The following RBM6 variants were observed in gnomAD, a reference collection of about 807,000 sequenced individuals.
The protein encoded by RBM6 is RNA binding motif protein 6.
RBM6 carries 23 observed loss-of-function variants against 140.4 expected under a neutral mutation model. The observed-to-expected ratio is 0.16, with a 90% CI of 0.12 to 0.23. RBM6 has a LOEUF of 0.23. Among genes scored for constraint, RBM6 ranks in the 10% least tolerant of loss-of-function variants. RBM6 has a pLI of 1.00. For missense variants in RBM6, 1,139 were observed against 1,386.7 expected, an observed-to-expected ratio of 0.82 and a Z score of 2.84; for synonymous variants, 439 against 475.6, an observed-to-expected ratio of 0.92 and a Z score of 1.00.
At position 49,967,274 on chromosome 3, in the gene RBM6, C is replaced by CATATATAT; in HGVS notation, c.45-193_45-192insTATATATA. The CATATATAT allele has an allele frequency of 7.3e-7, 1 of 1,369,554 alleles. No individual in the cohort carries two copies. The highest frequency in any genetic ancestry group is 9.4e-7 in the Non-Finnish European group (1 of 1,063,916). 84.8% of individuals were successfully genotyped at this position (1,369,554 alleles called of 1,614,324 possible). A position where few individuals can be genotyped will look rare whatever the true frequency, so the allele number is the denominator to read the frequency against. On this transcript the variant is annotated intron_variant, in intron 2 of 20. Transcript: ENST00000266022. The surrounding 1 kb of genome is among the most constrained non-coding windows in gnomAD (Gnocchi z 4.0). ...CTTTCCTCGTGTTCTGAAATGGGAG[C>CATATATAT]ATAAAAGTTTACTCCGCCACTTCGT...
intron 18 of RBM6, 25 bp from the exon 19 acceptor site, chr3:50,070,430 G>C (rs757405194): frequency 6.4e-7 from 1 of 1,558,094 alleles, no homozygotes. Flanking sequence ...GGCAATCTCA[G>C]GTCTGCTCTT....
chr3:50,030,443 G>GT (rs1333332802), intron 6 of RBM6, among the ~76,000 whole-genome samples: 8 of 152,108 alleles, frequency 5.3e-5, no homozygotes, highest in African/African-American at 1.9e-4. Flanking sequence ...AGCTCCACAG[G>GT]TTTTTTCATT....
chr3:50,063,080 A>G (rs1377078530), intron 15 of RBM6, among the ~76,000 whole-genome samples: 2 of 151,720 alleles, frequency 1.3e-5, no homozygotes, highest in African/African-American at 4.8e-5. Flanking sequence ...TTTTGTAGAG[A>G]CAGGATCTTG....
intron 19 of RBM6, among the ~76,000 whole-genome samples, chr3:50,073,658 C>A (rs982699468): frequency 2.0e-5 from 3 of 152,186 alleles, no homozygotes; most frequent in African/African-American, 7.2e-5. Flanking sequence ...GTTCTTCAGT[C>A]CATTCTCTAC....
At chr3:49,980,405 T>C (rs1047486771) in intron 5 of RBM6, among the ~76,000 whole-genome samples, 1 of 152,152 alleles carries the variant, frequency 6.6e-6, no homozygotes, top group Non-Finnish European at 1.5e-5. Flanking sequence ...TAATACTTGC[T>C]ATAAATGGAG....
intron 6 of RBM6, among the ~76,000 whole-genome samples, chr3:50,028,061 C>G (rs1382458413): frequency 9.4e-6 from 1 of 106,264 alleles, no homozygotes; most frequent in Non-Finnish European, 1.9e-5. Context: ...GGGTTTTGTA[C>G]TTGTTTTTTT....
intron 6 of RBM6, among the ~76,000 whole-genome samples, chr3:50,000,182 A>G (rs991207976): frequency 6.6e-6 from 1 of 152,154 alleles, no homozygotes; most frequent in African/African-American, 2.4e-5. Context: ...TATGTCTTTA[A>G]TAGAACCCTA....
chr3:49,947,697 T>C (rs549225668), intron 1 of RBM6, among the ~76,000 whole-genome samples: 2 of 152,334 alleles, frequency 1.3e-5, no homozygotes, highest in East Asian at 1.9e-4. Context: ...TTTTATAGTT[T>C]TAGCGCTTAC....
chr3:50,007,372 A>G (rs2086631438), intron 6 of RBM6, among the ~76,000 whole-genome samples: 1 of 150,644 alleles, frequency 6.6e-6, no homozygotes, highest in Non-Finnish European at 1.5e-5. Context: ...ATTTTTGTAG[A>G]GACGGGGTTT....
At position 49,986,435 on chromosome 3, in the gene RBM6, A is replaced by G. The variant is rs186550290; in HGVS notation, c.1483+11043A>G. 2.0e-5 allele frequency among the ~76,000 whole-genome samples: 3 copies of G among 151,796 alleles called. No individual in the cohort carries two copies. The East Asian group carries it at 6.0e-4, about 31-fold the overall frequency. On this transcript the variant is annotated intron_variant, in intron 5 of 20. Coordinates refer to ENST00000266022, the MANE Select transcript of RBM6 (RefSeq NM_005777.3). ...TGGTGAAACCCCATCTGTACTAAAA[A>G]ATACAAAAAATTAGCCGGGCATGGT... is the stretch of plus-strand genomic sequence containing the variant.
chr3:50,055,092 G>A (rs1404350449), intron 8 of RBM6, among the ~76,000 whole-genome samples: 1 of 152,196 alleles, frequency 6.6e-6, no homozygotes, highest in Non-Finnish European at 1.5e-5. Context: ...AAAGTGCTGC[G>A]ATTACAGGCG....
intron 6 of RBM6, among the ~76,000 whole-genome samples, chr3:50,033,025 C>G (rs1035713067): frequency 6.6e-6 from 1 of 151,226 alleles, no homozygotes; most frequent in Non-Finnish European, 1.5e-5. Flanking sequence ...GACAGGGAAG[C>G]CAAGCTCATG....
chr3:50,052,564 A>G (rs2089513642), intron 7 of RBM6, among the ~76,000 whole-genome samples: 1 of 152,208 alleles, frequency 6.6e-6, no homozygotes, highest in South Asian at 2.1e-4. Context: ...GTTTATTCCT[A>G]GATTCTCAGT....
intron 5 of RBM6, among the ~76,000 whole-genome samples, chr3:49,980,892 ATTTAT>A (rs1186012203): frequency 2.0e-5 from 3 of 151,068 alleles, no homozygotes; most frequent in Non-Finnish European, 4.4e-5. Context: ...GACAAAACTG[ATTTAT>A]TTTATTTTAT....
At chr3:49,944,378 T>C (rs1253904663) in intron 1 of RBM6, among the ~76,000 whole-genome samples, 1 of 152,186 alleles carries the variant, frequency 6.6e-6, no homozygotes, top group East Asian at 1.9e-4. Flanking sequence ...ATACCACATT[T>C]TGTTTATCCA....
chr3:50,062,850 C>G (rs1202574594), intron 15 of RBM6, among the ~76,000 whole-genome samples: 1 of 151,150 alleles, frequency 6.6e-6, no homozygotes, highest in Non-Finnish European at 1.5e-5. Context: ...TTCTTCATCT[C>G]TCCTACATTA....
chr3:50,003,191 C>T (rs1052878385), intron 6 of RBM6, among the ~76,000 whole-genome samples: 3 of 151,132 alleles, frequency 2.0e-5, no homozygotes, highest in Non-Finnish European at 2.9e-5. Flanking sequence ...GTTTGTAGGC[C>T]GGGCACTATG....
At chr3:50,032,345 G>A (rs1469956833) in intron 6 of RBM6, among the ~76,000 whole-genome samples, 2 of 152,124 alleles carry the variant, frequency 1.3e-5, no homozygotes, top group South Asian at 2.1e-4. Context: ...TTAGCTGGGC[G>A]TGGTGGTGCG....
intron 6 of RBM6, among the ~76,000 whole-genome samples, chr3:50,036,052 G>A (rs1559614387): frequency 1.3e-5 from 2 of 152,022 alleles, no homozygotes; most frequent in African/African-American, 4.8e-5. Context: ...GAGCCACTGC[G>A]CCCAGCTCAA....
Sources: gnomAD v4.1 joint callset for allele counts (sites outside exome capture counted in the v4.1 genomes callset) on GRCh38, gnomAD v4.1.1 for gene constraint, Gnocchi (gnomAD v3.1) non-coding constraint, MANE v1.5 for transcripts, NCBI Gene and HGNC (gene_info 2026-07-23, HGNC 2026-07-21) for gene names.